The following EVI5L variants were observed in gnomAD, a reference collection of about 807,000 sequenced individuals.
EVI5L encodes the protein EVI5-like protein.
EVI5L carries 30 observed loss-of-function variants against 106.1 expected under a neutral mutation model. The ratio of observed to expected loss-of-function variants is 0.28; its 90% CI spans 0.21 to 0.38. The LOEUF is 0.38. Ranked by LOEUF, EVI5L falls within the 10% of genes least tolerant of loss-of-function variation. The pLI is 1.00. For synonymous variants in EVI5L, 489 were observed against 483.3 expected (o/e 1.01, Z -0.15); for missense variants, 809 against 1,098.0 (o/e 0.74, Z 3.72).
At chr19:7,833,482 T>C (rs969580610) in intron 1 of EVI5L, among the ~76,000 whole-genome samples, 2 of 152,228 alleles carry the variant, frequency 1.3e-5, no homozygotes, top group African/African-American at 2.4e-5. Context: ...TGAGACAGAA[T>C]TATGTACAGC....
intron 8 of EVI5L, 79 bp downstream of exon 8, chr19:7,851,849 G>A (rs1979267543): frequency 1.5e-6 from 2 of 1,314,404 alleles, no homozygotes; most frequent in Non-Finnish European, 2.0e-6. Context: ...ACAAGTGACA[G>A]AGAGGGCCCG....
rs753263640 is a variant in EVI5L, at chr19:7,863,232, G to A, written c.2091G>A (p.Ser697=). The change falls in exon 19 of 20, where the codon TCG becomes TCA. Residue 697 remains serine (S), a synonymous_variant. Coordinates refer to ENST00000538904, the MANE Select transcript of EVI5L (RefSeq NM_001159944.3). The surrounding 1 kb of genome is among the most constrained non-coding windows in gnomAD (Gnocchi z 7.7). The stretch of plus-strand genomic sequence containing the variant: ...GCCAGCTGAACCACTCGGACTCATC[G>A]CAGTACATCCGCGAGCTCAAGGACC... ...IQGQLNHSDS[S]QYIRELKDQI... 39 of 1,563,316 alleles carry A rather than the reference G, an allele frequency of 2.5e-5. No individual in the cohort carries two copies. Among genetic ancestry groups the A allele is most frequent in the Non-Finnish European group, 3.4e-5 (39 of 1,154,124 alleles).
At chr19:7,853,404 A>T in intron 10 of EVI5L, 71 bp downstream of exon 10, 2 of 1,552,950 alleles carry the variant, frequency 1.3e-6, no homozygotes, top group South Asian at 2.3e-5. Flanking sequence ...TACTCTAAAG[A>T]TCGGCCGCTA....
At chr19:7,844,347 A>AAGAAAGAAAGAAAG (rs1555692440) in intron 1 of EVI5L, among the ~76,000 whole-genome samples, 1 of 140,898 alleles carries the variant, frequency 7.1e-6, no homozygotes, top group Non-Finnish European at 1.5e-5. Context: ...AAAAAAAAAA[A>AAGAAAGAAAGAAAG]AAAGAAAGAA....
At chr19:7,839,029 A>G (rs1978474944) in intron 1 of EVI5L, among the ~76,000 whole-genome samples, 2 of 151,306 alleles carry the variant, frequency 1.3e-5, no homozygotes, top group South Asian at 2.1e-4. Flanking sequence ...TTGGCCAGGC[A>G]CGGTGGCTCA....
At chr19:7,842,618 TGTG>T (rs1382665490) in intron 1 of EVI5L, among the ~76,000 whole-genome samples, 1 of 151,714 alleles carries the variant, frequency 6.6e-6, no homozygotes, top group Non-Finnish European at 1.5e-5. Context: ...GTGTATCAAG[TGTG>T]TGCGTGTGTG....
At chr19:7,851,813 G>A (rs1042052792) in intron 8 of EVI5L, 43 bp downstream of exon 8, 1 of 1,463,554 alleles carries the variant, frequency 6.8e-7, no homozygotes, top group Non-Finnish European at 9.0e-7. Context: ...CCCCCAATCA[G>A]GGGCTTCGAG....
At position 7,863,353 on chromosome 19, in the gene EVI5L, T is replaced by G; in HGVS notation, c.2140-71T>G. ...TGGGACGAGCCGAGCGCAGGTGCCT[T>G]GCGGAGGATGCGGCTGGGAGGGCGG... On this transcript the variant is annotated intron_variant, in intron 19 of 19. Transcript: ENST00000538904. This position sits in a 1 kb window ranked among gnomAD's most constrained non-coding sequence, Gnocchi z 7.7. 6.5e-7 allele frequency: 1 copy of G among 1,542,182 alleles called. No individual in the cohort carries two copies. The highest frequency in any genetic ancestry group is 8.7e-7 in the Non-Finnish European group (1 of 1,143,148).
chr19:7,851,811 C>G, intron 8 of EVI5L, 41 bp downstream of exon 8: 1 of 1,465,966 alleles, frequency 6.8e-7, no homozygotes, highest in Non-Finnish European at 9.0e-7. Flanking sequence ...TGCCCCCAAT[C>G]AGGGGCTTCG....
Position 7,835,959 on chromosome 19 carries a change from G to A in EVI5L, c.-48+5578G>A, listed in dbSNP as rs1301966750. 2.6e-5 allele frequency among the ~76,000 whole-genome samples: 4 copies of A among 152,110 alleles called. No homozygotes were observed. The highest frequency in any genetic ancestry group is 2.1e-4 in the South Asian group (1 of 4,804). ...GGAATCAGAAATGGGGGGTAGGGCC[G>A]GGCGTGGTGGCTCACACCTGTGATC... On this transcript the variant is annotated intron_variant, in intron 1 of 19. Coordinates refer to ENST00000538904, the MANE Select transcript of EVI5L (RefSeq NM_001159944.3). The surrounding 1 kb of genome is among the most constrained non-coding windows in gnomAD (Gnocchi z 4.1).
Position 7,851,416 on chromosome 19 carries a change from G to T in EVI5L, c.754-18G>T, listed in dbSNP as rs753141986. The T allele has an allele frequency of 6.2e-7, 1 of 1,603,528 alleles. No individual in the cohort carries two copies. Among genetic ancestry groups the T allele is most frequent in the South Asian group, 1.1e-5 (1 of 89,382 alleles). On this transcript the variant is annotated intron_variant, in intron 6 of 19. Coordinates refer to ENST00000538904, the MANE Select transcript of EVI5L (RefSeq NM_001159944.3). The stretch of plus-strand genomic sequence containing the variant: ...GGCGTCCCCCTCACTGTGCCCACCC[G>T]GCCTCCCACCCCTGCAGGAGCAGCT...
At position 7,862,137 on chromosome 19, in the gene EVI5L, G is replaced by A; in HGVS notation, c.1660G>A (p.Gly554Ser). ...SDTWQAHLARGGRWKESPRKL... is the reference protein window; with the variant it reads ...SDTWQAHLARSGRWKESPRKL... ...CACCCCCCAGGCCCATCTGGCCCGC[G>A]GCGGCCGCTGGAAGGAGTCCCCACG... Residue 554 changes from glycine (G) to serine (S), a missense_variant, in exon 16 of 20, where the codon GGC (glycine) becomes AGC (serine). By Grantham distance (56) the Gly-to-Ser change is moderately conservative. Around this residue, in one of 2 missense-constraint regions of EVI5L, gnomAD observed 452 missense variants for 509.9 expected, o/e 0.89. Coordinates refer to ENST00000538904, the MANE Select transcript of EVI5L (RefSeq NM_001159944.3). 6.4e-7 allele frequency: 1 copy of A among 1,570,444 alleles called. No homozygotes were observed. Among genetic ancestry groups the A allele is most frequent in the Non-Finnish European group, 8.6e-7 (1 of 1,163,230 alleles).
Position 7,863,992 on chromosome 19 carries a change from C to T in EVI5L, c.*290C>T, listed in dbSNP as rs565794452. ...CTGGAGGGGCTGACTGCTCTCTTAA[C>T]AGGAGGGCAGAGGGCAGGGGACAGA... On this transcript the variant is annotated 3_prime_UTR_variant, in exon 20 of 20. Coordinates refer to ENST00000538904, the MANE Select transcript of EVI5L (RefSeq NM_001159944.3). This position sits in a 1 kb window ranked among gnomAD's most constrained non-coding sequence, Gnocchi z 7.7. 1 of 401,598 alleles carries T rather than the reference C, an allele frequency of 2.5e-6. No individual in the cohort carries two copies. Among genetic ancestry groups the T allele is most frequent in the Non-Finnish European group, 4.4e-6 (1 of 226,052 alleles). 24.9% of individuals were successfully genotyped at this position (401,598 alleles called of 1,614,324 possible).
chr19:7,863,618 G>T lies in EVI5L; in HGVS notation c.2334G>T (p.Glu778Asp). 6.4e-7 allele frequency: 1 copy of T among 1,561,126 alleles called. No individual in the cohort carries two copies. Among genetic ancestry groups the T allele is most frequent in the Non-Finnish European group, 8.7e-7 (1 of 1,153,778 alleles). ...ATGCGCGCTTCTTCCGCCGTCTGGA[G>T]CGGCCGGCCAAGGACAGCGAGGGCA... ...PRDARFFRRL[E>D]RPAKDSEGSS... Residue 778 changes from glutamate to aspartate, a missense_variant, in exon 20 of 20, where the codon GAG becomes GAT. Transcript: ENST00000538904. This position sits in a 1 kb window ranked among gnomAD's most constrained non-coding sequence, Gnocchi z 7.7.
rs1978802105 is a variant in EVI5L at position 7,843,565 on chromosome 19, T to TGA, written c.-47-2930_-47-2929insAG. Among the ~76,000 whole-genome samples, 5 of 45,774 alleles carry TGA rather than the reference T, an allele frequency of 1.1e-4. No homozygotes were observed. The South Asian group carries it at 3.9e-3, about 35-fold the overall frequency. 30.0% of individuals were successfully genotyped at this position (45,774 alleles called of 152,430 possible). A position where few individuals can be genotyped will look rare whatever the true frequency, so the allele number is the denominator to read the frequency against. ...GAGTGTGTGCATGTGTGTATAGGTA[T>TGA]GTGAGTGTGAGAATAGGCATGGGTG... On this transcript the variant is annotated intron_variant, in intron 1 of 19. Transcript: ENST00000538904.
chr19:7,862,043 G>C (rs758513052), intron 15 of EVI5L, 25 bp downstream of exon 15: 14 of 1,538,852 alleles, frequency 9.1e-6, no homozygotes, highest in Non-Finnish European at 1.1e-5. Context: ...GGCGCCGGCG[G>C]GCAGAGCGCC....
chr19:7,858,173 T>C lies in EVI5L; in HGVS notation c.1234-18T>C. 1.9e-6 allele frequency: 3 copies of C among 1,551,350 alleles called. No homozygotes were observed. Among genetic ancestry groups the C allele is most frequent in the Admixed American group, 3.9e-5 (2 of 51,216 alleles). Reference sequence around the variant, plus strand: ...AGGGTCACGGCCTCCCCCTGCCCCCTGTCCTCGCTGTTCTCAGGGGCAAGT... The same window carrying C: ...AGGGTCACGGCCTCCCCCTGCCCCCCGTCCTCGCTGTTCTCAGGGGCAAGT... On this transcript the variant is annotated intron_variant, in intron 12 of 19. Transcript: ENST00000538904. This position sits in a 1 kb window ranked among gnomAD's most constrained non-coding sequence, Gnocchi z 5.7.
In EVI5L at chr19:7,848,457, C is replaced by T. The variant is rs537602197; in HGVS notation, c.328-464C>T. On this transcript the variant is annotated intron_variant, in intron 3 of 19. Coordinates refer to ENST00000538904, the MANE Select transcript of EVI5L (RefSeq NM_001159944.3). The surrounding 1 kb of genome is among the most constrained non-coding windows in gnomAD (Gnocchi z 4.8). ...ACTAAAAATACAAAAATTAGCTGGG[C>T]GTGGTGGCGTGCACCTGTAATCCCA... 2.0e-5 allele frequency among the ~76,000 whole-genome samples: 3 copies of T among 152,078 alleles called. No individual in the cohort carries two copies. The highest frequency in any genetic ancestry group is 1.9e-4 in the East Asian group (1 of 5,172).
rs371069285 is a variant in EVI5L at position 7,860,587 on chromosome 19, C to G, written c.1401C>G (p.Phe467Leu). Residue 467 changes from phenylalanine (F) to leucine (L), a missense_variant, in exon 14 of 20, where the codon TTC becomes TTG. Physicochemically the swap from Phe to Leu is conservative, Grantham distance 22 (BLOSUM62 0). This residue lies in a region of EVI5L where 452 missense variants were observed against 509.9 expected (regional missense o/e 0.89). Coordinates refer to ENST00000538904, the MANE Select transcript of EVI5L (RefSeq NM_001159944.3). Reference sequence around the variant, plus strand: ...AGAACCCCCGCCTCACAGAAGACTTCGTGTCCCACCTGGAGACCGAGCTGG... The same window carrying G: ...AGAACCCCCGCCTCACAGAAGACTTGGTGTCCCACCTGGAGACCGAGCTGG... The part of the protein sequence containing the change: ...QQENPRLTED[F>L]VSHLETELEQ... The G allele has an allele frequency of 1.3e-6, 2 of 1,598,104 alleles. No individual in the cohort carries two copies. The highest frequency in any genetic ancestry group is 1.3e-5 in the African/African-American group (1 of 74,716).
Sources: gnomAD v4.1 joint callset for allele counts (sites outside exome capture counted in the v4.1 genomes callset) on GRCh38, gnomAD v4.1.1 for gene constraint, gnomAD v4.1.1 regional missense constraint, Gnocchi (gnomAD v3.1) non-coding constraint, MANE v1.5 for transcripts, NCBI Gene and HGNC (gene_info 2026-07-23, HGNC 2026-07-21) for gene names.